CCDC125: variants seen among roughly 807,000 people sequenced by gnomAD.
CCDC125 encodes the protein coiled-coil domain-containing protein 125.
In CCDC125, 43 loss-of-function variants were observed where a neutral mutation model predicts 57.4. The ratio of observed to expected loss-of-function variants is 0.75; its 90% CI spans 0.59 to 0.97. The LOEUF (loss-of-function observed/expected upper bound fraction) is 0.97. CCDC125 is among the 50% of genes least tolerant of loss of function. The pLI is 0.00. For missense variants in CCDC125, 563 were observed against 595.7 expected (o/e 0.95, Z 0.57); for synonymous variants, 187 against 195.2 (o/e 0.96, Z 0.35).
In CCDC125 at chr5:69,314,023, T is replaced by A. The variant is rs1211530629; in HGVS notation, c.328A>T (p.Asn110Tyr). ...TTAAGACATTGCCTTAATTCTTCATTTGACAATTCTGAATTCGAATCTACT... is the reference window on the plus strand; with the variant it reads ...TTAAGACATTGCCTTAATTCTTCATATGACAATTCTGAATTCGAATCTACT... The part of the protein sequence containing the change: ...STVDSNSELS[N>Y]EELRQCLNET... Residue 110 changes from asparagine (N) to tyrosine (Y), a missense_variant, in exon 3 of 12, where the codon AAT (asparagine) becomes TAT (tyrosine). Asn to Tyr is a moderately radical substitution (Grantham distance 143, BLOSUM62 -2). Transcript: ENST00000396496. 1.2e-6 allele frequency: 2 copies of A among 1,609,746 alleles called. No individual in the cohort carries two copies. The highest frequency in any genetic ancestry group is 1.7e-6 in the Non-Finnish European group (2 of 1,176,154).
intron 1 of CCDC125, among the ~76,000 whole-genome samples, chr5:69,328,195 CT>C (rs1760965453): frequency 6.6e-6 from 1 of 152,092 alleles, no homozygotes; most frequent in Non-Finnish European, 1.5e-5. Flanking sequence ...CAAGCCTGGA[CT>C]TTTTTTGTTT....
intron 8 of CCDC125, among the ~76,000 whole-genome samples, chr5:69,297,611 GC>G (rs1049529566): frequency 6.6e-6 from 1 of 151,586 alleles, no homozygotes; most frequent in Non-Finnish European, 1.5e-5. Context: ...ACCTGCCTCA[GC>G]CCCCGCAAAG....
chr5:69,311,553 G>A (rs1487035198), intron 3 of CCDC125, among the ~76,000 whole-genome samples: 1 of 152,126 alleles, frequency 6.6e-6, no homozygotes, highest in East Asian at 1.9e-4. Context: ...TCTGGAGGCT[G>A]AGACAGGAGA....
rs1348075634 is a variant in CCDC125 at position 69,281,852 on chromosome 5, A to T, written c.*877T>A. On this transcript the variant is annotated 3_prime_UTR_variant, in exon 12 of 12. Coordinates refer to ENST00000396496, the MANE Select transcript of CCDC125 (RefSeq NM_176816.5). ...TAATTTTTTGTTTTTCCCAAAAATCATTATTTTTTGTTTTAGGATGTTGGC... is the reference window on the plus strand; with the variant it reads ...TAATTTTTTGTTTTTCCCAAAAATCTTTATTTTTTGTTTTAGGATGTTGGC... 1 of 150,986 alleles carries T rather than the reference A, an allele frequency of 6.6e-6. No homozygotes were observed. The highest frequency in any genetic ancestry group is 1.5e-5 in the Non-Finnish European group (1 of 67,816). The allele number at this position is 150,986 out of a possible 1,614,324, so 9.4% of individuals were successfully genotyped here.
chr5:69,278,184 A>G (rs1436727847), downstream of CCDC125, among the ~76,000 whole-genome samples: 1 of 150,390 alleles, frequency 6.6e-6, no homozygotes, highest in African/African-American at 2.5e-5. Context: ...ACCTGGCCAG[A>G]GGTTCCCTCT....
At chr5:69,300,256 A>G (rs2150412107) in intron 7 of CCDC125, 129 bp from the exon 8 acceptor site, 1 of 677,728 alleles carries the variant, frequency 1.5e-6, no homozygotes, top group East Asian at 2.5e-5. Context: ...GGCTCCATTC[A>G]GAAAACCTAT....
intron 8 of CCDC125, among the ~76,000 whole-genome samples, chr5:69,297,743 A>T (rs1755624750): frequency 2.0e-5 from 3 of 151,170 alleles, no homozygotes; most frequent in Admixed American, 6.6e-5. Flanking sequence ...GCAGGCAGAT[A>T]GCTTGAGCCC....
At chr5:69,305,579 G>A (rs577404085) in intron 6 of CCDC125, among the ~76,000 whole-genome samples, 5 of 152,184 alleles carry the variant, frequency 3.3e-5, no homozygotes, top group Non-Finnish European at 5.9e-5. Flanking sequence ...ATGAATGCAG[G>A]ATGTAGGCAA....
intron 1 of CCDC125, among the ~76,000 whole-genome samples, chr5:69,326,812 A>G (rs968137971): frequency 6.6e-6 from 1 of 151,816 alleles, no homozygotes; most frequent in African/African-American, 2.4e-5. Flanking sequence ...GAACTTTGTG[A>G]GGCCAAAGAA....
In CCDC125 at chr5:69,317,140, C is replaced by G. The variant is rs191607820; in HGVS notation, c.305-3094G>C. ...TCTCCTGCCTCAGCCTCCCAAGTAGCTGGGATTACAGGCACCTGCCACCAT... is the reference window on the plus strand; with the variant it reads ...TCTCCTGCCTCAGCCTCCCAAGTAGGTGGGATTACAGGCACCTGCCACCAT... On this transcript the variant is annotated intron_variant, in intron 2 of 11. Transcript: ENST00000396496. Among the ~76,000 whole-genome samples, 836 of 152,176 alleles carry G rather than the reference C, an allele frequency of 5.5e-3. 6 individuals are homozygous for G. The highest frequency in any genetic ancestry group is 8.4e-3 in the Non-Finnish European group (574 of 68,004).
chr5:69,302,190 G>C (rs533914983), intron 7 of CCDC125, among the ~76,000 whole-genome samples: 1 of 152,036 alleles, frequency 6.6e-6, no homozygotes, highest in South Asian at 2.1e-4. Context: ...GGGAGGCCAA[G>C]GTGGGTGGAT....
intron 2 of CCDC125, among the ~76,000 whole-genome samples, chr5:69,318,607 G>A (rs894692499): frequency 6.9e-6 from 1 of 145,138 alleles, no homozygotes; most frequent in African/African-American, 2.6e-5. Flanking sequence ...AAAAAAATTA[G>A]CCAGGCATGG....
chr5:69,311,069 A>AT, intron 4 of CCDC125, 49 bp downstream of exon 4: 1 of 1,260,552 alleles, frequency 7.9e-7, no homozygotes, highest in Non-Finnish European at 1.1e-6. Flanking sequence ...CCATACCAAC[A>AT]TTATTATTGG....
chr5:69,278,292 A>G (rs1293021463), downstream of CCDC125, among the ~76,000 whole-genome samples: 3 of 150,760 alleles, frequency 2.0e-5, no homozygotes, highest in African/African-American at 7.3e-5. Context: ...TGCAACCTCC[A>G]CCTCCTGGAT....
chr5:69,284,903 C>A lies in CCDC125; in HGVS notation c.1230+434G>T, dbSNP rs771267252. Among the ~76,000 whole-genome samples, 88 of 152,004 alleles carry A rather than the reference C, an allele frequency of 5.8e-4. 1 individual carries two copies. Among genetic ancestry groups the A allele is most frequent in the Admixed American group, 3.9e-4 (6 of 15,222 alleles). ...GGTCAGGAGTTTGAGACCAGCCTGG[C>A]CAACATGGTGAAATCCTGTCTCTAC... On this transcript the variant is annotated intron_variant, in intron 11 of 11. Transcript: ENST00000396496.
Position 69,294,851 on chromosome 5 carries a change from CAG to C in CCDC125, c.864_865del (p.Cys289PhefsTer27), listed in dbSNP as rs1163478027. ...GGATGCTGCCATTCTGGCACAAGAA[CAG>C]GGGTTCCCTCCGGGCCCATGACAAA... On this transcript the variant is annotated frameshift_variant, in exon 9 of 12. Coordinates refer to ENST00000396496, the MANE Select transcript of CCDC125 (RefSeq NM_176816.5). LOFTEE classifies it high-confidence loss of function. 4 of 1,614,192 alleles carry C rather than the reference CAG, an allele frequency of 2.5e-6. No individual in the cohort carries two copies. The East Asian group carries it at 8.9e-5, about 36-fold the overall frequency.
At chr5:69,318,567 AC>A (rs1279050887) in intron 2 of CCDC125, among the ~76,000 whole-genome samples, 2 of 140,820 alleles carry the variant, frequency 1.4e-5, no homozygotes, top group African/African-American at 5.3e-5. Context: ...ACGTGGTGAA[AC>A]CCCATCTCTA....
chr5:69,284,432 T>G (rs1259073419), intron 11 of CCDC125, among the ~76,000 whole-genome samples: 6 of 152,168 alleles, frequency 3.9e-5, no homozygotes, highest in Admixed American at 3.3e-4. Flanking sequence ...AGGAAATGCC[T>G]TGAACACTTT....
chr5:69,283,312 C>T (rs1323964112), intron 11 of CCDC125, among the ~76,000 whole-genome samples: 2 of 151,446 alleles, frequency 1.3e-5, no homozygotes, highest in Admixed American at 1.3e-4. Flanking sequence ...CTCTGCCTCC[C>T]AGGTTCACAC....
Sources: allele counts gnomAD v4.1 joint callset (sites outside exome capture counted in the v4.1 genomes callset), GRCh38; gene constraint gnomAD v4.1.1; transcripts MANE v1.5; gene names NCBI Gene and HGNC (gene_info 2026-07-23, HGNC 2026-07-21).